CTNNA2: variants seen among roughly 807,000 people sequenced by gnomAD.
CTNNA2 encodes the protein catenin alpha-2.
A neutral mutation model predicts 101.0 loss-of-function variants in CTNNA2; 42 were observed. The ratio of observed to expected loss-of-function variants is 0.42; its 90% CI spans 0.32 to 0.54. The LOEUF is 0.54. Ranked by LOEUF, CTNNA2 falls within the 20% of genes least tolerant of loss-of-function variation. The probability of loss-of-function intolerance (pLI) is 0.14; values close to 1 mark genes in which losing one functional copy is unlikely to be tolerated. For missense variants in CTNNA2, 871 were observed against 1,223.1 expected, an observed-to-expected ratio of 0.71 and a Z score of 4.29; for synonymous variants, 450 against 456.4, an observed-to-expected ratio of 0.99 and a Z score of 0.18.
intron 7 of CTNNA2, among the ~76,000 whole-genome samples, chr2:80,032,755 C>G (rs937882242): frequency 6.6e-6 from 1 of 152,108 alleles, no homozygotes; most frequent in African/African-American, 2.4e-5. Flanking sequence ...AATTGAAATA[C>G]TTAAAACTTT....
chr2:79,724,073 G>A (rs982165976), intron 2 of CTNNA2, among the ~76,000 whole-genome samples: 3 of 152,156 alleles, frequency 2.0e-5, no homozygotes, highest in Admixed American at 6.5e-5. Flanking sequence ...GGACTGCCTC[G>A]TTGGATGTTA....
chr2:80,337,290 G>C (rs1348080783), intron 7 of CTNNA2, among the ~76,000 whole-genome samples: 1 of 152,044 alleles, frequency 6.6e-6, no homozygotes, highest in Non-Finnish European at 1.5e-5. Flanking sequence ...GGGAGGCTGA[G>C]GTTGCAGTGA....
intron 18 of CTNNA2, among the ~76,000 whole-genome samples, chr2:80,638,996 C>T (rs144812502): frequency 1.3e-5 from 2 of 152,274 alleles, no homozygotes; most frequent in African/African-American, 4.8e-5. Context: ...GCCTTCAGCA[C>T]TGGCTGGTTC....
At chr2:79,465,853 T>G (rs772497513) in intron 4 of CTNNA2, among the ~76,000 whole-genome samples, 1 of 152,196 alleles carries the variant, frequency 6.6e-6, no homozygotes, top group Non-Finnish European at 1.5e-5. Context: ...CTTTGCTGAA[T>G]TTGCTTATCA....
intron 7 of CTNNA2, among the ~76,000 whole-genome samples, chr2:79,931,318 A>G (rs1248330241): frequency 6.6e-6 from 1 of 152,170 alleles, no homozygotes; most frequent in African/African-American, 2.4e-5. Context: ...AAATTTAATT[A>G]TGAAGAATGG....
At chr2:79,593,587 C>A (rs917504374) in intron 1 of CTNNA2, among the ~76,000 whole-genome samples, 3 of 152,074 alleles carry the variant, frequency 2.0e-5, no homozygotes, top group African/African-American at 7.2e-5. Flanking sequence ...TTCCTCCCAC[C>A]ATGTCATCCT....
intron 5 of CTNNA2, 133 bp downstream of exon 5, chr2:79,870,068 G>T (rs1390064749): frequency 8.3e-7 from 1 of 1,206,372 alleles, no homozygotes; most frequent in African/African-American, 1.5e-5. Flanking sequence ...GATGACAAAG[G>T]TTGCTTCCTG....
At chr2:79,932,135 C>A (rs1378370348) in intron 7 of CTNNA2, among the ~76,000 whole-genome samples, 1 of 152,156 alleles carries the variant, frequency 6.6e-6, no homozygotes, top group African/African-American at 2.4e-5. Flanking sequence ...CTGAGTGGAG[C>A]AACTCTTACT....
chr2:79,336,776 G>A lies in CTNNA2; in HGVS notation c.-318+23980G>A, dbSNP rs567355797. On this transcript the variant is annotated intron_variant, in intron 3 of 21. Transcript: ENST00000466387. The stretch of plus-strand genomic sequence containing the variant: ...CCAACTGGAGGGCCCTATCTGTGTC[G>A]TCAAAGCTTGATTAAATGATACATT... 1.3e-3 allele frequency among the ~76,000 whole-genome samples: 199 copies of A among 152,156 alleles called. 4 individuals carry two copies. Among genetic ancestry groups the A allele is most frequent in the Non-Finnish European group, 6.6e-4 (45 of 68,018 alleles).
intron 16 of CTNNA2, chr2:80,605,741 G>A (rs3770351): frequency 9.9e-5 from 15 of 151,868 alleles, no homozygotes; most frequent in East Asian, 5.8e-4. Flanking sequence ...AAGAGTCAAC[G>A]AATTCTCATT....
At position 79,470,265 on chromosome 2, in the gene CTNNA2, G is replaced by T. The variant is rs572227349; in HGVS notation, c.-134-34789G>T. On this transcript the variant is annotated intron_variant, in intron 4 of 21. Coordinates refer to the CTNNA2 transcript ENST00000466387. ...TGCTGGGCATCTCAGCTACTCAGGAGGCTTAGGCGGGAGGAGCATTTGAAC... is the reference window on the plus strand; with the variant it reads ...TGCTGGGCATCTCAGCTACTCAGGATGCTTAGGCGGGAGGAGCATTTGAAC... Among the ~76,000 whole-genome samples, 27 of 152,280 alleles carry T rather than the reference G, an allele frequency of 1.8e-4. No individual in the cohort carries two copies. In the South Asian group the frequency reaches 5.6e-3, roughly 32 times the overall value.
At chr2:79,791,942 G>A (rs1214872903) in intron 3 of CTNNA2, among the ~76,000 whole-genome samples, 1 of 152,186 alleles carries the variant, frequency 6.6e-6, no homozygotes, top group Non-Finnish European at 1.5e-5. Flanking sequence ...ACTCTACGGA[G>A]AAGGACAGGT....
At chr2:80,201,283 A>G (rs1006610345) in intron 7 of CTNNA2, among the ~76,000 whole-genome samples, 2 of 151,956 alleles carry the variant, frequency 1.3e-5, no homozygotes, top group Non-Finnish European at 2.9e-5. Context: ...CTACATTCCC[A>G]AAGAAGAAAA....
At chr2:80,627,544 G>T (rs929371564) in intron 18 of CTNNA2, among the ~76,000 whole-genome samples, 4 of 152,128 alleles carry the variant, frequency 2.6e-5, no homozygotes, top group African/African-American at 9.6e-5. Flanking sequence ...CATATCCTTT[G>T]CCCACTTTTT....
intron 6 of CTNNA2, among the ~76,000 whole-genome samples, chr2:79,879,616 G>C (rs1174885010): frequency 6.6e-6 from 1 of 151,986 alleles, no homozygotes; most frequent in Admixed American, 6.6e-5. Flanking sequence ...TTGGCTCTCT[G>C]CTTGTCTGTT....
At chr2:79,601,903 C>T (rs1159059393) in intron 1 of CTNNA2, among the ~76,000 whole-genome samples, 2 of 152,214 alleles carry the variant, frequency 1.3e-5, no homozygotes, top group Non-Finnish European at 2.9e-5. Flanking sequence ...CTGAACATCA[C>T]ATCTTAGTCT....
intron 1 of CTNNA2, among the ~76,000 whole-genome samples, chr2:79,629,436 A>C (rs1679540135): frequency 1.3e-5 from 2 of 152,118 alleles, no homozygotes; most frequent in Admixed American, 1.3e-4. Context: ...TGAGTGGATT[A>C]ATTATTTTAA....
intron 6 of CTNNA2, among the ~76,000 whole-genome samples, chr2:79,878,136 G>A (rs940295423): frequency 2.6e-5 from 4 of 152,150 alleles, no homozygotes; most frequent in African/African-American, 9.7e-5. Flanking sequence ...TCCCTGCAAA[G>A]GACATGATAT....
chr2:80,034,361 T>C (rs1397164602), intron 7 of CTNNA2, among the ~76,000 whole-genome samples: 2 of 149,404 alleles, frequency 1.3e-5, no homozygotes, highest in African/African-American at 2.5e-5. Flanking sequence ...TTTCTTTTTT[T>C]TTTTTTTTTT....
Sources: allele counts gnomAD v4.1 joint callset (sites outside exome capture counted in the v4.1 genomes callset), GRCh38; gene constraint gnomAD v4.1.1; transcripts MANE v1.5; gene names NCBI Gene and HGNC (gene_info 2026-07-23, HGNC 2026-07-21).